Variants in TSPAN15 observed in about 807,000 individuals in gnomAD.
TSPAN15 encodes the protein tetraspanin-15.
Under a neutral mutation model 34.5 loss-of-function variants are expected in TSPAN15, and 20 were observed. The ratio of observed to expected loss-of-function variants is 0.58; its 90% confidence interval spans 0.41 to 0.84. The LOEUF (loss-of-function observed/expected upper bound fraction) is 0.84, where lower values mean the gene tolerates loss of function less well. TSPAN15 is among the 40% of genes least tolerant of loss of function. The pLI, the probability that TSPAN15 is intolerant of heterozygous loss-of-function variation, is 0.00. For synonymous variants in TSPAN15, 155 were observed against 153.9 expected (o/e 1.01, Z -0.05); for missense variants, 313 against 386.1 (o/e 0.81, Z 1.59).
At chr10:69,462,154 A>AGTT (rs1841277426) in intron 1 of TSPAN15, among the ~76,000 whole-genome samples, 1 of 100,092 alleles carries the variant, frequency 1.0e-5, no homozygotes, top group Non-Finnish European at 2.2e-5. Flanking sequence ...CTAATTTTAA[A>AGTT]GTTTTTTTTT....
intron 3 of TSPAN15, among the ~76,000 whole-genome samples, chr10:69,487,146 T>C (rs1564609987): frequency 6.6e-6 from 1 of 151,086 alleles, no homozygotes; most frequent in African/African-American, 2.4e-5. Context: ...CTAAACAGAC[T>C]CCTGGATATA....
At chr10:69,455,784 C>T (rs1185682484) in intron 1 of TSPAN15, among the ~76,000 whole-genome samples, 1 of 151,848 alleles carries the variant, frequency 6.6e-6, no homozygotes, top group Non-Finnish European at 1.5e-5. Context: ...ATATGTTATA[C>T]ATGCAGACAC....
the TSPAN15 span, among the ~76,000 whole-genome samples, chr10:69,522,023 C>A: frequency 6.8e-6 from 1 of 147,702 alleles, no homozygotes; most frequent in Non-Finnish European, 1.5e-5. Context: ...TGTTGAGCAT[C>A]TTTTCATGTG....
intron 5 of TSPAN15, among the ~76,000 whole-genome samples, chr10:69,502,088 G>A (rs145117292): frequency 6.6e-4 from 100 of 152,164 alleles, no homozygotes; most frequent in Admixed American, 6.0e-3. Flanking sequence ...AAAGGAAAAG[G>A]GAGACATGGT....
chr10:69,530,051 T>C, the TSPAN15 span, among the ~76,000 whole-genome samples: 1 of 148,050 alleles, frequency 6.8e-6, no homozygotes, highest in Non-Finnish European at 1.5e-5. Context: ...TAATATTCCA[T>C]GGTGTGTGTG....
At chr10:69,534,837 A>AT in the TSPAN15 span, among the ~76,000 whole-genome samples, 2 of 133,868 alleles carry the variant, frequency 1.5e-5, no homozygotes, top group Non-Finnish European at 3.3e-5. Context: ...AAAAAAAAAA[A>AT]GCAGGGTATG....
rs901339129 is a variant in TSPAN15, at chr10:69,459,927, C to CG, written c.96+8237_96+8238insG. Among the ~76,000 whole-genome samples the CG allele has an allele frequency of 9.7e-5, 13 of 133,558 alleles. No individual in the cohort carries two copies. The South Asian group carries it at 1.0e-3, about 10-fold the overall frequency. The allele number at this position is 133,558 out of a possible 152,430, so 87.6% of individuals were successfully genotyped here. ...GGGAGGGAGACTCTAGGCACCCCCC[C>CG]CCCACGAATGGAGGGAGACTCTAGG... On this transcript the variant is annotated intron_variant, in intron 1 of 7. Coordinates refer to ENST00000373290, the MANE Select transcript of TSPAN15 (RefSeq NM_012339.5).
At chr10:69,547,106 G>A in the TSPAN15 span, among the ~76,000 whole-genome samples, 2 of 152,102 alleles carry the variant, frequency 1.3e-5, no homozygotes, top group Non-Finnish European at 2.9e-5. Flanking sequence ...GGAGGCTGAG[G>A]CAGGAGAATC....
chr10:69,485,225 T>G lies in TSPAN15; in HGVS notation c.357+10T>G. 6.2e-7 allele frequency: 1 copy of G among 1,613,832 alleles called. No individual in the cohort carries two copies. The highest frequency in any genetic ancestry group is 8.5e-7 in the Non-Finnish European group (1 of 1,179,812). On this transcript the variant is annotated intron_variant, in intron 3 of 7. Transcript: ENST00000373290. ...GACCTTCCGGAACCAGGTGGGCCTGTGGATTTGTGTATCGGCCATGTGTGT... is the reference window on the plus strand; with the variant it reads ...GACCTTCCGGAACCAGGTGGGCCTGGGGATTTGTGTATCGGCCATGTGTGT...
chr10:69,539,476 GAGA>G, the TSPAN15 span, among the ~76,000 whole-genome samples: 22 of 62,616 alleles, frequency 3.5e-4, no homozygotes, highest in African/African-American at 9.5e-4. Context: ...GAAGGAGAAG[GAGA>G]AGGAGAAGAA....
At chr10:69,479,304 C>T (rs968307180) in intron 1 of TSPAN15, among the ~76,000 whole-genome samples, 1 of 152,252 alleles carries the variant, frequency 6.6e-6, no homozygotes, top group African/African-American at 2.4e-5. Flanking sequence ...TCTCCTGCTT[C>T]CCAGCAGCTG....
Position 69,506,915 on chromosome 10 carries a change from GC to G in TSPAN15, c.825del (p.Gly276ValfsTer67). ...ACTCTGTCACTGATGGGCTCCTGGG[GC>G]CCGGTGCCAAGCCCAGCGTGGAGGC... ...EHSVTDGLLG[P>X]GAKPSVEAAG... is the part of the protein sequence containing the mutation. On this transcript the variant is annotated frameshift_variant, in exon 8 of 8. Transcript: ENST00000373290. LOFTEE classifies it high-confidence loss of function. The surrounding 1 kb of genome is among the most constrained non-coding windows in gnomAD (Gnocchi z 4.7). The G allele has an allele frequency of 6.2e-7, 1 of 1,609,184 alleles. No individual in the cohort carries two copies. The highest frequency in any genetic ancestry group is 8.5e-7 in the Non-Finnish European group (1 of 1,178,328).
At chr10:69,454,302 G>A (rs1464114899) in intron 1 of TSPAN15, among the ~76,000 whole-genome samples, 1 of 152,096 alleles carries the variant, frequency 6.6e-6, no homozygotes, top group Non-Finnish European at 1.5e-5. Context: ...AGGATCACCC[G>A]AGGTCTGGAG....
the TSPAN15 span, among the ~76,000 whole-genome samples, chr10:69,532,201 A>G: frequency 6.6e-6 from 1 of 152,194 alleles, no homozygotes; most frequent in Non-Finnish European, 1.5e-5. Context: ...TATGGAACCA[A>G]AAAAGAGCCC....
chr10:69,483,674 C>T lies in TSPAN15; in HGVS notation c.97-17C>T. ...GTGACCTCAGTCTCTCTCTCACCCT[C>T]TGTTTTCTTGCTGCAGCTGATTGGG... is the stretch of plus-strand genomic sequence containing the variant. On this transcript the variant is annotated splice_polypyrimidine_tract_variant and intron_variant, in intron 1 of 7. Transcript: ENST00000373290. 1 of 1,610,622 alleles carries T rather than the reference C, an allele frequency of 6.2e-7. No individual in the cohort carries two copies. Among genetic ancestry groups the T allele is most frequent in the Admixed American group, 1.7e-5 (1 of 59,876 alleles).
intron 3 of TSPAN15, among the ~76,000 whole-genome samples, chr10:69,493,257 C>T (rs1842005465): frequency 2.0e-5 from 3 of 152,148 alleles, no homozygotes. Context: ...AGGCAATGCT[C>T]CCACCCAACT....
chr10:69,471,719 G>C (rs904804227), intron 1 of TSPAN15, among the ~76,000 whole-genome samples: 67 of 151,696 alleles, frequency 4.4e-4, no homozygotes, highest in African/African-American at 1.6e-3. Context: ...AGCCTCCCAA[G>C]TAGCTGGGAT....
intron 3 of TSPAN15, chr10:69,494,691 AGCGT>A: frequency 1.0e-6 from 1 of 985,432 alleles, no homozygotes; most frequent in Non-Finnish European, 1.2e-6. Context: ...CTGTTGTCCC[AGCGT>A]ACGCTGTGGT....
the TSPAN15 span, among the ~76,000 whole-genome samples, chr10:69,524,640 GAAA>G: frequency 8.7e-6 from 1 of 114,384 alleles, no homozygotes; most frequent in African/African-American, 3.0e-5. Flanking sequence ...TTGCAAACTA[GAAA>G]AAAAAAAAAA....
Sources: gnomAD v4.1 joint callset for allele counts (sites outside exome capture counted in the v4.1 genomes callset) on GRCh38, gnomAD v4.1.1 for gene constraint, Gnocchi (gnomAD v3.1) non-coding constraint, MANE v1.5 for transcripts, NCBI Gene and HGNC (gene_info 2026-07-23, HGNC 2026-07-21) for gene names.